BABAM2: variants seen among roughly 807,000 people sequenced by gnomAD.
BABAM2 encodes the protein BRISC and BRCA1-A complex member 2.
In BABAM2, 31 loss-of-function variants were observed where a neutral mutation model predicts 54.7. The ratio of observed to expected loss-of-function variants is 0.57; its 90% CI spans 0.43 to 0.77. The LOEUF is 0.77. Among genes scored for constraint, BABAM2 ranks in the 30% least tolerant of loss-of-function variants. The pLI is 0.00. For missense variants in BABAM2, 364 were observed against 455.8 expected (o/e 0.80, Z 1.83); for synonymous variants, 167 against 162.9 (o/e 1.03, Z -0.19).
At chr2:28,069,537 T>A (rs1663926558) in intron 6 of BABAM2, among the ~76,000 whole-genome samples, 1 of 152,304 alleles carries the variant, frequency 6.6e-6, no homozygotes, top group South Asian at 2.1e-4. Flanking sequence ...AGAGCTTAGT[T>A]CTTCCTAAAT....
At chr2:27,908,114 AAAT>A (rs1349940926) in intron 2 of BABAM2, among the ~76,000 whole-genome samples, 1 of 152,128 alleles carries the variant, frequency 6.6e-6, no homozygotes. Context: ...CTGTTTTTAA[AAAT>A]AATTTCAACT....
intron 2 of BABAM2, among the ~76,000 whole-genome samples, chr2:27,899,837 A>G (rs1356034912): frequency 6.6e-6 from 1 of 152,198 alleles, no homozygotes; most frequent in Non-Finnish European, 1.5e-5. Flanking sequence ...TTTAATATGT[A>G]TGGAATTTAC....
chr2:28,067,233 T>C (rs886272357), intron 6 of BABAM2, among the ~76,000 whole-genome samples: 3 of 152,154 alleles, frequency 2.0e-5, no homozygotes, highest in African/African-American at 7.2e-5. Flanking sequence ...CGCGTGGCCC[T>C]TGTGGACATG....
At position 28,158,235 on chromosome 2, in the gene BABAM2, T is replaced by TA. The variant is rs1235135500; in HGVS notation, c.680+28862dup. On this transcript the variant is annotated intron_variant, in intron 7 of 11. Transcript: ENST00000379624. ...AACAATGTTCACCCTCACCTAATAA[T>TA]AAAAAAACTCAAAAATAAAAACAAC... Among the ~76,000 whole-genome samples the TA allele has an allele frequency of 2.0e-5, 3 of 151,964 alleles. No homozygotes were observed. In the East Asian group the frequency reaches 5.8e-4, roughly 29 times the overall value.
intron 7 of BABAM2, among the ~76,000 whole-genome samples, chr2:28,131,052 TTTATTATTATTA>T (rs1235236802): frequency 3.4e-4 from 4 of 11,622 alleles, no homozygotes; most frequent in East Asian, 3.0e-3. Flanking sequence ...CAAAGAGTGT[TTTATTATTATTA>T]TTATTATTAT....
intron 6 of BABAM2, among the ~76,000 whole-genome samples, chr2:28,127,900 G>C (rs192245896): frequency 6.7e-6 from 1 of 148,728 alleles, no homozygotes; most frequent in East Asian, 2.1e-4. Context: ...TCCGCCTCCC[G>C]GGTTCATGCC....
intron 2 of BABAM2, among the ~76,000 whole-genome samples, chr2:27,901,529 C>T (rs1665796914): frequency 6.6e-6 from 1 of 152,286 alleles, no homozygotes; most frequent in South Asian, 2.1e-4. Flanking sequence ...AATAGATACT[C>T]AGTGTAAGTA....
At chr2:28,073,188 T>C (rs1034201145) in intron 6 of BABAM2, among the ~76,000 whole-genome samples, 2 of 152,118 alleles carry the variant, frequency 1.3e-5, no homozygotes, top group Non-Finnish European at 2.9e-5. Context: ...CTATTGTCCT[T>C]TTTTCTTTTT....
intron 9 of BABAM2, 55 bp downstream of exon 9, chr2:28,241,448 C>T (rs1682422034): frequency 6.6e-7 from 1 of 1,519,138 alleles, no homozygotes; most frequent in South Asian, 1.1e-5. Context: ...TTGCTGATGA[C>T]CTCAACATGG....
intron 11 of BABAM2, chr2:28,308,375 C>T (rs1688748674): frequency 6.0e-6 from 3 of 497,930 alleles, no homozygotes; most frequent in Non-Finnish European, 1.2e-5. Context: ...ACAAGCTTGA[C>T]CAATAATTCA....
intron 4 of BABAM2, among the ~76,000 whole-genome samples, chr2:28,003,019 G>T (rs1190309122): frequency 6.6e-6 from 1 of 152,014 alleles, no homozygotes. Flanking sequence ...TCATCTAGAG[G>T]GTGTTTTAGC....
upstream of BABAM2, among the ~76,000 whole-genome samples, chr2:27,888,846 C>G (rs949663366): frequency 1.3e-5 from 2 of 152,150 alleles, no homozygotes; most frequent in Non-Finnish European, 2.9e-5. Context: ...TATTTACTAT[C>G]TGGCCCTTTA....
intron 7 of BABAM2, among the ~76,000 whole-genome samples, chr2:28,207,647 A>G (rs1199685325): frequency 6.6e-6 from 1 of 152,114 alleles, no homozygotes; most frequent in African/African-American, 2.4e-5. Context: ...ATTTTCACAG[A>G]TAAACATTTT....
intron 9 of BABAM2, among the ~76,000 whole-genome samples, chr2:28,241,864 CTTTT>C (rs35913780): frequency 7.2e-5 from 8 of 110,452 alleles, no homozygotes; most frequent in African/African-American, 2.7e-4. Context: ...CCCAGGATCC[CTTTT>C]TTTTTTTTTT....
At chr2:28,290,899 A>AG (rs1193029827) in intron 10 of BABAM2, among the ~76,000 whole-genome samples, 14 of 152,392 alleles carry the variant, frequency 9.2e-5, no homozygotes, top group African/African-American at 3.4e-4. Flanking sequence ...TCATCAAAAT[A>AG]GTTAAAATTT....
In BABAM2 at chr2:27,995,416, G is replaced by T. The variant is rs561199312; in HGVS notation, c.300+7329G>T. Among the ~76,000 whole-genome samples the T allele has an allele frequency of 6.6e-5, 10 of 152,260 alleles. No individual in the cohort carries two copies. In the East Asian group the frequency reaches 1.9e-3, roughly 29 times the overall value. On this transcript the variant is annotated intron_variant, in intron 4 of 11. Transcript: ENST00000379624. The surrounding 1 kb of genome is among the most constrained non-coding windows in gnomAD (Gnocchi z 4.1). Reference sequence around the variant, plus strand: ...CTGAACACTGCACCCACTGGCAGAAGAAAAATGTTTACAGGGTCTGGCCCC... The same window carrying T: ...CTGAACACTGCACCCACTGGCAGAATAAAAATGTTTACAGGGTCTGGCCCC...
chr2:27,937,884 C>T (rs572022763), intron 3 of BABAM2, among the ~76,000 whole-genome samples: 1 of 152,038 alleles, frequency 6.6e-6, no homozygotes, highest in Non-Finnish European at 1.5e-5. Context: ...TTACTGAGAC[C>T]AATTGTGACG....
At chr2:28,205,169 T>G (rs1052506295) in intron 7 of BABAM2, among the ~76,000 whole-genome samples, 2 of 151,924 alleles carry the variant, frequency 1.3e-5, no homozygotes, top group East Asian at 3.9e-4. Context: ...GAGGGGCATT[T>G]GTTACTGCAG....
At position 28,058,890 on chromosome 2, in the gene BABAM2, G is replaced by C. The variant is rs565373878; in HGVS notation, c.570+13091G>C. Among the ~76,000 whole-genome samples the C allele has an allele frequency of 2.1e-3, 317 of 152,232 alleles. 1 individual carries two copies. Among genetic ancestry groups the C allele is most frequent in the African/African-American group, 7.2e-3 (300 of 41,546 alleles). ...TTTTACAAATCCATCAGTTGGTGAT[G>C]GATTAGAGAGAAACAAACAACAACG... On this transcript the variant is annotated intron_variant, in intron 6 of 11. Coordinates refer to ENST00000379624, the MANE Select transcript of BABAM2 (RefSeq NM_199191.3).
Sources: gnomAD v4.1 joint callset for allele counts (sites outside exome capture counted in the v4.1 genomes callset) on GRCh38, gnomAD v4.1.1 for gene constraint, Gnocchi (gnomAD v3.1) non-coding constraint, MANE v1.5 for transcripts, NCBI Gene and HGNC (gene_info 2026-07-23, HGNC 2026-07-21) for gene names.